COL4A2: variants seen among roughly 807,000 people sequenced by gnomAD.
COL4A2 encodes the protein collagen type IV alpha 2 chain, also known as collagen alpha-2(IV) chain.
In COL4A2, 99 loss-of-function variants were observed where a neutral mutation model predicts 200.2. That is an observed-to-expected ratio of 0.49 (90% CI 0.42 to 0.58). The LOEUF is 0.58. Ranked by LOEUF, COL4A2 falls within the 20% of genes least tolerant of loss-of-function variation. The pLI, the probability that COL4A2 is intolerant of heterozygous loss-of-function variation, is 0.00. For synonymous variants in COL4A2, 897 were observed against 900.6 expected (o/e 1.00, Z 0.07); for missense variants, 1,950 against 2,314.1 (o/e 0.84, Z 3.23).
At chr13:110,429,357 C>T (rs1880589886) in intron 7 of COL4A2, 1 of 153,090 alleles carries the variant, frequency 6.5e-6, no homozygotes, top group Non-Finnish European at 1.5e-5. Flanking sequence ...TCATCAATTT[C>T]ATTATCAAGA....
At chr13:110,440,969 C>G (rs568809316) in intron 16 of COL4A2, among the ~76,000 whole-genome samples, 7 of 152,356 alleles carry the variant, frequency 4.6e-5, no homozygotes, top group African/African-American at 1.7e-4. Flanking sequence ...CTGCCTCGTT[C>G]TTTAAAGCTG....
chr13:110,311,581 G>T (rs932858498), intron 3 of COL4A2, among the ~76,000 whole-genome samples: 1 of 152,200 alleles, frequency 6.6e-6, no homozygotes, highest in African/African-American at 2.4e-5. Flanking sequence ...GTGGGTGCAT[G>T]TGAAGCGCCT....
chr13:110,322,164 G>T (rs754744574), intron 3 of COL4A2, among the ~76,000 whole-genome samples: 5 of 152,334 alleles, frequency 3.3e-5, no homozygotes, highest in Middle Eastern at 3.4e-3. Context: ...AGGAAATGGC[G>T]ATGTGAGACC....
At chr13:110,456,627 A>G (rs1881743114) in intron 20 of COL4A2, 1 of 381,690 alleles carries the variant, frequency 2.6e-6, no homozygotes, top group Non-Finnish European at 5.3e-6. Flanking sequence ...TTTTGAAAAA[A>G]TGTGCTTTTG....
intron 3 of COL4A2, among the ~76,000 whole-genome samples, chr13:110,334,643 A>G (rs1227202574): frequency 6.6e-6 from 1 of 152,218 alleles, no homozygotes; most frequent in Non-Finnish European, 1.5e-5. Context: ...ATAGTCTAAG[A>G]AACTTGGAAA....
chr13:110,372,471 T>G (rs1004673669), intron 4 of COL4A2, among the ~76,000 whole-genome samples: 1 of 152,232 alleles, frequency 6.6e-6, no homozygotes, highest in Non-Finnish European at 1.5e-5. Flanking sequence ...TTGTCTTGTG[T>G]TATTTTTTAA....
rs536360638 is a variant in COL4A2 at position 110,351,219 on chromosome 13, T to G, written c.100-6253T>G. 5.4e-3 allele frequency among the ~76,000 whole-genome samples: 804 copies of G among 150,032 alleles called. 7 individuals are homozygous for G. The highest frequency in any genetic ancestry group is 0.018 in the African/African-American group (725 of 40,636). ...GTGCACCACCACACCCAGCTATTCT[T>G]TTTGTTTGTTTGTTTGTTTGTTTGT... On this transcript the variant is annotated intron_variant, in intron 3 of 47. Coordinates refer to ENST00000360467, the MANE Select transcript of COL4A2 (RefSeq NM_001846.4).
At chr13:110,338,441 G>A (rs543137968) in intron 3 of COL4A2, among the ~76,000 whole-genome samples, 1 of 148,786 alleles carries the variant, frequency 6.7e-6, no homozygotes, top group African/African-American at 2.5e-5. Flanking sequence ...GTGTGGGGGG[G>A]GGTGGGGGTA....
At chr13:110,449,226 C>G (rs575422299) in intron 18 of COL4A2, among the ~76,000 whole-genome samples, 1 of 152,332 alleles carries the variant, frequency 6.6e-6, no homozygotes, top group African/African-American at 2.4e-5. Flanking sequence ...TTGCTATTTA[C>G]ACAGCAAAGG....
rs1670170578 is a variant in COL4A2, at chr13:110,503,873, G to A, written c.4165G>A (p.Gly1389Arg). 6.2e-7 allele frequency: 1 copy of A among 1,613,806 alleles called. No individual in the cohort carries two copies. Among genetic ancestry groups the A allele is most frequent in the Admixed American group, 1.7e-5 (1 of 59,986 alleles). Residue 1389 changes from glycine to arginine, a missense_variant, in exon 44 of 48, where the codon GGG becomes AGG. Coordinates refer to ENST00000360467, the MANE Select transcript of COL4A2 (RefSeq NM_001846.4). ...TGCCCCCGGGACTGTGGGAGCCCCC[G>A]GGATTGCAGGAATCCCCCAGAAGAT... ...PGAPGTVGAP[G>R]IAGIPQKIAV...
chr13:110,478,250 A>T, intron 30 of COL4A2, 86 bp downstream of exon 30: 1 of 1,359,864 alleles, frequency 7.4e-7, no homozygotes, highest in Non-Finnish European at 9.7e-7. Context: ...GGAGCTCTCA[A>T]AGTCTGTTCC....
chr13:110,417,231 A>C (rs1293469779), intron 4 of COL4A2, among the ~76,000 whole-genome samples: 1 of 152,204 alleles, frequency 6.6e-6, no homozygotes, highest in African/African-American at 2.4e-5. Flanking sequence ...CTGGGATTAC[A>C]GGCATGAGCC....
intron 4 of COL4A2, among the ~76,000 whole-genome samples, chr13:110,404,419 G>A (rs779634442): frequency 6.6e-6 from 1 of 152,306 alleles, no homozygotes; most frequent in Non-Finnish European, 1.5e-5. Flanking sequence ...TGGGCAGGGG[G>A]TGCAGACTTG....
chr13:110,433,787 G>A (rs1307565138), intron 11 of COL4A2, among the ~76,000 whole-genome samples: 2 of 152,192 alleles, frequency 1.3e-5, no homozygotes, highest in African/African-American at 4.8e-5. Context: ...GGTCAGCGTT[G>A]TCAGTCCTCC....
chr13:110,317,268 A>T (rs1722703178), intron 3 of COL4A2, among the ~76,000 whole-genome samples: 1 of 151,830 alleles, frequency 6.6e-6, no homozygotes, highest in African/African-American at 2.4e-5. Flanking sequence ...CCACACTCAC[A>T]CATACACACA....
At chr13:110,479,966 A>G (rs1594098820) in intron 30 of COL4A2, among the ~76,000 whole-genome samples, 1 of 152,044 alleles carries the variant, frequency 6.6e-6, no homozygotes, top group African/African-American at 2.4e-5. Context: ...TGGCTTCTGA[A>G]GACTGCAGTG....
intron 3 of COL4A2, among the ~76,000 whole-genome samples, chr13:110,322,548 A>G (rs111246223): frequency 3.3e-3 from 500 of 152,280 alleles, no homozygotes; most frequent in African/African-American, 0.011. Flanking sequence ...GAGAAGACAT[A>G]TGGGGAACCC....
chr13:110,311,599 T>A (rs1884984391), intron 3 of COL4A2, among the ~76,000 whole-genome samples: 1 of 152,156 alleles, frequency 6.6e-6, no homozygotes, highest in Middle Eastern at 3.4e-3. Context: ...CCTTGGAGGG[T>A]CTGGCACAGC....
chr13:110,471,881 G>T (rs992423940), intron 28 of COL4A2, among the ~76,000 whole-genome samples: 1 of 152,126 alleles, frequency 6.6e-6, no homozygotes, highest in African/African-American at 2.4e-5. Flanking sequence ...TCTCATCGTT[G>T]CAGGCTTCTC....
Sources: gnomAD v4.1 joint callset for allele counts (sites outside exome capture counted in the v4.1 genomes callset) on GRCh38, gnomAD v4.1.1 for gene constraint, MANE v1.5 for transcripts, NCBI Gene and HGNC (gene_info 2026-07-23, HGNC 2026-07-21) for gene names.